The following KLB variants were observed in gnomAD, a reference collection of about 807,000 sequenced individuals.
KLB encodes the protein beta-klotho.
Under a neutral mutation model 88.4 loss-of-function variants are expected in KLB, and 44 were observed. The observed-to-expected ratio is 0.50, with a 90% CI of 0.39 to 0.64. The LOEUF (loss-of-function observed/expected upper bound fraction) is 0.64. KLB is among the 30% of genes least tolerant of loss of function. KLB has a pLI of 0.00. For missense variants in KLB, 1,137 were observed against 1,304.8 expected (o/e 0.87, Z 1.98); for synonymous variants, 548 against 513.4 (o/e 1.07, Z -0.91).
chr4:39,420,165 G>T (rs911867338), intron 1 of KLB, among the ~76,000 whole-genome samples: 1 of 152,036 alleles, frequency 6.6e-6, no homozygotes, highest in African/African-American at 2.4e-5. Flanking sequence ...TAACCCTGAG[G>T]TTGGTGAAAG....
At chr4:39,438,102 C>A in intron 3 of KLB, 107 bp downstream of exon 3, 1 of 994,924 alleles carries the variant, frequency 1.0e-6, no homozygotes, top group Non-Finnish European at 1.5e-6. Flanking sequence ...TCAAATACCA[C>A]AATTGTATGG....
At chr4:39,420,881 AT>A (rs1379117197) in intron 1 of KLB, among the ~76,000 whole-genome samples, 1 of 130,472 alleles carries the variant, frequency 7.7e-6, no homozygotes, top group Non-Finnish European at 1.7e-5. Flanking sequence ...ACAGAAACAC[AT>A]TGTTAAAAAT....
At chr4:39,429,344 T>G (rs1417725634) in intron 1 of KLB, among the ~76,000 whole-genome samples, 3 of 152,218 alleles carry the variant, frequency 2.0e-5, no homozygotes, top group African/African-American at 7.2e-5. Flanking sequence ...CTCTGGCTCC[T>G]AATCCCTTCT....
At chr4:39,445,684 GTTTT>G (rs67319815) in intron 3 of KLB, among the ~76,000 whole-genome samples, 1 of 94,954 alleles carries the variant, frequency 1.1e-5, no homozygotes, top group Admixed American at 1.2e-4. Flanking sequence ...TTGTTTTTTT[GTTTT>G]TTTTTTTTTT....
chr4:39,430,245 T>G (rs1578208231), intron 1 of KLB, among the ~76,000 whole-genome samples: 1 of 152,146 alleles, frequency 6.6e-6, no homozygotes, highest in Non-Finnish European at 1.5e-5. Context: ...CTTTCCAGTT[T>G]GCATAGAGAG....
rs774747030 is a variant in KLB, at chr4:39,407,514, C to T, written c.565C>T (p.Pro189Ser). 2 of 1,613,990 alleles carry T rather than the reference C, an allele frequency of 1.2e-6. No individual in the cohort carries two copies. The highest frequency in any genetic ancestry group is 2.2e-5 in the East Asian group (1 of 44,902). ...CGCTCTAGTGCTTAGAAACATTGAA[C>T]CTATAGTTACTTTATACCACTGGGA... ...LDALVLRNIE[P>S]IVTLYHWDLP... is the part of the protein sequence containing the mutation. Residue 189 changes from proline (P) to serine (S), a missense_variant, in exon 1 of 5, where the codon CCT becomes TCT. By Grantham distance (74) the Pro-to-Ser change is moderately conservative. Transcript: ENST00000257408.
rs1743814247 is a variant in KLB, at chr4:39,448,533, G to T, written c.2982G>T (p.Lys994Asn). The stretch of plus-strand genomic sequence containing the variant: ...CTGTCTGCTTATTCCTTGTGCAGAA[G>T]AAACCACTGATATTCCTGGGTTGTT... ...ECTVCLFLVQKKPLIFLGCCF... is the reference protein window; with the variant it reads ...ECTVCLFLVQNKPLIFLGCCF... The change falls in exon 5 of 5, where the codon AAG becomes AAT. Residue 994 changes from lysine to asparagine, a missense_variant. Transcript: ENST00000257408. 1.1e-5 allele frequency: 17 copies of T among 1,614,076 alleles called. No individual in the cohort carries two copies. Among genetic ancestry groups the T allele is most frequent in the Admixed American group, 1.7e-5 (1 of 60,008 alleles).
rs1472568371 is a variant in KLB, at chr4:39,451,243, T to G, written c.*2557T>G. On this transcript the variant is annotated 3_prime_UTR_variant, in exon 5 of 5. Coordinates refer to ENST00000257408, the MANE Select transcript of KLB (RefSeq NM_175737.4). Reference sequence around the variant, plus strand: ...TAATCTGGCTCATGCTCTATCATACTAAATATTCAGGTTTATCATAAACTC... The same window carrying G: ...TAATCTGGCTCATGCTCTATCATACGAAATATTCAGGTTTATCATAAACTC... 1 of 152,244 alleles carries G rather than the reference T, an allele frequency of 6.6e-6. No individual in the cohort carries two copies. The highest frequency in any genetic ancestry group is 1.9e-4 in the East Asian group (1 of 5,206). 9.4% of individuals were successfully genotyped at this position (152,244 alleles called of 1,614,324 possible).
chr4:39,426,710 C>T lies in KLB; in HGVS notation c.826-7500C>T, dbSNP rs528045556. Among the ~76,000 whole-genome samples the T allele has an allele frequency of 5.3e-5, 8 of 150,300 alleles. No individual in the cohort carries two copies. In the East Asian group the frequency reaches 1.4e-3, roughly 26 times the overall value. ...CAATAATTTTTTTTTTTTTAAGAGA[C>T]GGGGTCTTGCTCTGTTGCCTGGGCT... On this transcript the variant is annotated intron_variant, in intron 1 of 4. Coordinates refer to ENST00000257408, the MANE Select transcript of KLB (RefSeq NM_175737.4).
chr4:39,448,756 A>C lies in KLB; in HGVS notation c.*70A>C. On this transcript the variant is annotated 3_prime_UTR_variant, in exon 5 of 5. Transcript: ENST00000257408. ...TCCATATGCTGGTAACTTACAGGAG[A>C]TATACCTGTATTATAGAAAGACAAT... 2.2e-6 allele frequency: 3 copies of C among 1,339,046 alleles called. No individual in the cohort carries two copies. The Admixed American group carries it at 6.2e-5, about 28-fold the overall frequency. The allele number at this position is 1,339,046 out of a possible 1,614,324, so 82.9% of individuals were successfully genotyped here. A position where few individuals can be genotyped will look rare whatever the true frequency, so the allele number is the denominator to read the frequency against.
intron 1 of KLB, among the ~76,000 whole-genome samples, chr4:39,430,806 T>C (rs1743341155): frequency 6.6e-6 from 1 of 151,634 alleles, no homozygotes; most frequent in South Asian, 2.1e-4. Flanking sequence ...GGTTTCACCA[T>C]GTTGGCCAAG....
chr4:39,429,200 C>T (rs1389317621), intron 1 of KLB, among the ~76,000 whole-genome samples: 2 of 152,160 alleles, frequency 1.3e-5, no homozygotes, highest in Non-Finnish European at 2.9e-5. Context: ...CAAAATGTGA[C>T]CAAACTCATG....
Position 39,407,084 on chromosome 4 carries a change from T to A in KLB, c.135T>A (p.Ile45=), listed in dbSNP as rs1489010582. 1.2e-6 allele frequency: 2 copies of A among 1,614,000 alleles called. No homozygotes were observed. Among genetic ancestry groups the A allele is most frequent in the Admixed American group, 3.3e-5 (2 of 60,002 alleles). ...LQRSVILSAL[I]LLRAVTGFSG... ...GATCTGTCATCCTGTCAGCACTTAT[T>A]CTGCTACGAGCTGTTACTGGATTCT... is the stretch of plus-strand genomic sequence containing the variant. The change falls in exon 1 of 5, where the codon ATT becomes ATA. Residue 45 remains isoleucine, a synonymous_variant. Transcript: ENST00000257408.
chr4:39,418,619 C>T (rs1011242260), intron 1 of KLB, among the ~76,000 whole-genome samples: 1 of 151,900 alleles, frequency 6.6e-6, no homozygotes. Flanking sequence ...ATCTCCATCA[C>T]GATCTAAGAC....
chr4:39,434,446 T>C lies in KLB; in HGVS notation c.1062T>C (p.Ile354=). 1 of 1,614,206 alleles carries C rather than the reference T, an allele frequency of 6.2e-7. No individual in the cohort carries two copies. The highest frequency in any genetic ancestry group is 8.5e-7 in the Non-Finnish European group (1 of 1,180,016). ...AGAAGTTGTTCTCCGTTCTACCCAT[T>C]TTCTCTGAAGCAGAGAAGCATGAGA... ...MRKKLFSVLP[I]FSEAEKHEMR... is the part of the protein sequence containing the mutation. Residue 354 remains isoleucine (I), a synonymous_variant, in exon 2 of 5, where the codon ATT becomes ATC. Coordinates refer to ENST00000257408, the MANE Select transcript of KLB (RefSeq NM_175737.4).
At chr4:39,414,728 G>A (rs555581326) in intron 1 of KLB, among the ~76,000 whole-genome samples, 2 of 151,550 alleles carry the variant, frequency 1.3e-5, no homozygotes, top group Admixed American at 6.6e-5. Flanking sequence ...AATTAGCCAG[G>A]CGCGATGGTG....
At chr4:39,435,967 C>T (rs1025605146) in intron 2 of KLB, among the ~76,000 whole-genome samples, 1 of 152,172 alleles carries the variant, frequency 6.6e-6, no homozygotes, top group Non-Finnish European at 1.5e-5. Context: ...TACTCTATTA[C>T]ATGACGGCAT....
intron 2 of KLB, among the ~76,000 whole-genome samples, chr4:39,437,214 G>T (rs1743492289): frequency 6.6e-6 from 1 of 152,164 alleles, no homozygotes. Context: ...AGCCCAGCCA[G>T]TTCCCATTCT....
chr4:39,407,374 A>G lies in KLB; in HGVS notation c.425A>G (p.Asp142Gly). The G allele has an allele frequency of 6.2e-7, 1 of 1,613,906 alleles. No homozygotes were observed. The highest frequency in any genetic ancestry group is 8.5e-7 in the Non-Finnish European group (1 of 1,179,966). Residue 142 changes from aspartate (D) to glycine (G), a missense_variant, in exon 1 of 5, where the codon GAT becomes GGT. Asp to Gly is a moderately conservative substitution (Grantham distance 94, BLOSUM62 -1). Transcript: ENST00000257408. ...CTGGAAAAAGACTTATCAGCCCTGG[A>G]TTTTATAGGAGTTTCTTTTTATCAA... Reference protein sequence around the residue: ...IFLEKDLSALDFIGVSFYQFS... With the variant: ...IFLEKDLSALGFIGVSFYQFS...
Sources: gnomAD v4.1 joint callset for allele counts (sites outside exome capture counted in the v4.1 genomes callset) on GRCh38, gnomAD v4.1.1 for gene constraint, MANE v1.5 for transcripts, NCBI Gene and HGNC (gene_info 2026-07-23, HGNC 2026-07-21) for gene names.